The following DNAH14 variants were observed in gnomAD, a reference collection of about 807,000 sequenced individuals.
DNAH14 encodes the protein dynein axonemal heavy chain 14, also known as axonemal beta dynein heavy chain 14.
A neutral mutation model predicts 520.9 loss-of-function variants in DNAH14; 478 were observed. The observed-to-expected ratio is 0.92, with a 90% confidence interval of 0.85 to 0.99. The LOEUF is 0.99. Ranked by LOEUF, DNAH14 falls within the 50% of genes least tolerant of loss-of-function variation. The pLI, the probability that DNAH14 is intolerant of heterozygous loss-of-function variation, is 0.00. For missense variants in DNAH14, 4,831 were observed against 5,234.5 expected, an observed-to-expected ratio of 0.92 and a Z score of 2.38; for synonymous variants, 1,581 against 1,757.2, an observed-to-expected ratio of 0.90 and a Z score of 2.51.
At position 225,388,488 on chromosome 1, in the gene DNAH14, G is replaced by T. The variant is rs748144544; in HGVS notation, c.13187G>T (p.Arg4396Leu). The T allele has an allele frequency of 1.5e-5, 22 of 1,481,614 alleles. No individual in the cohort carries two copies. The highest frequency in any genetic ancestry group is 1.7e-4 in the Middle Eastern group (1 of 5,736). 91.8% of individuals were successfully genotyped at this position (1,481,614 alleles called of 1,614,324 possible). A position where few individuals can be genotyped will look rare whatever the true frequency, so the allele number is the denominator to read the frequency against. Residue 4396 changes from arginine to leucine, a missense_variant, in exon 82 of 86, where the codon CGT becomes CTT. Transcript: ENST00000682510. ...WAKVAYTAIQ[R>L]RYMRFVTVWK... ...AAAGTGGCTTATACTGCAATACAGC[G>T]TCGGTATGGATAAAAGATGCTTTAC...
intron 41 of DNAH14, among the ~76,000 whole-genome samples, chr1:225,226,810 G>A (rs1353389796): frequency 2.0e-5 from 3 of 152,136 alleles, no homozygotes; most frequent in Non-Finnish European, 2.9e-5. Context: ...CTGGCAAGGG[G>A]GATGTGGCAG....
rs147281444 is a variant in DNAH14 at position 225,223,973 on chromosome 1, G to C, written c.6440-7100G>C. Among the ~76,000 whole-genome samples, 94 of 152,254 alleles carry C rather than the reference G, an allele frequency of 6.2e-4. No homozygotes were observed. The East Asian group carries it at 0.017, about 27-fold the overall frequency. On this transcript the variant is annotated intron_variant, in intron 41 of 85. Coordinates refer to ENST00000682510, the MANE Select transcript of DNAH14 (RefSeq NM_001367479.1). ...TCCATTCTAAAGAATACACAGTTAAGAGGTTTAATCATAGCACCTGAAAAA... is the reference window on the plus strand; with the variant it reads ...TCCATTCTAAAGAATACACAGTTAACAGGTTTAATCATAGCACCTGAAAAA...
Position 225,265,330 on chromosome 1 carries a change from A to G in DNAH14, c.7371A>G (p.Arg2457=), listed in dbSNP as rs2093072194. The change falls in exon 48 of 86, where the codon AGA becomes AGG. Residue 2457 remains arginine, a synonymous_variant. Coordinates refer to ENST00000682510, the MANE Select transcript of DNAH14 (RefSeq NM_001367479.1). The part of the protein sequence containing the change: ...TKEMILKKLI[R]RTKDTLGAPK... ...AGATGATTCTTAAGAAGTTAATAAG[A>G]AGAACTAAAGATACTCTTGGAGCAC... The G allele has an allele frequency of 1.3e-6, 2 of 1,540,380 alleles. No individual in the cohort carries two copies. The highest frequency in any genetic ancestry group is 1.4e-5 in the African/African-American group (1 of 72,192).
chr1:224,966,875 GT>G (rs2061202585), intron 5 of DNAH14, among the ~76,000 whole-genome samples: 1 of 152,014 alleles, frequency 6.6e-6, no homozygotes, highest in Non-Finnish European at 1.5e-5. Context: ...TTCTGCAATT[GT>G]TTAATGAAGT....
intron 64 of DNAH14, among the ~76,000 whole-genome samples, chr1:225,326,649 C>A (rs576342853): frequency 7.6e-4 from 116 of 152,194 alleles, no homozygotes; most frequent in South Asian, 2.3e-3. Context: ...AAAAAAAATT[C>A]TTCAAAACTT....
chr1:225,256,903 T>G (rs655529), intron 44 of DNAH14, among the ~76,000 whole-genome samples: 1 of 149,318 alleles, frequency 6.7e-6, no homozygotes, highest in Non-Finnish European at 1.5e-5. Flanking sequence ...TTTGCTATTT[T>G]AAAAAAAAAA....
At chr1:225,300,831 A>G in intron 55 of DNAH14, 38 bp from the exon 56 acceptor site, 1 of 1,536,646 alleles carries the variant, frequency 6.5e-7, no homozygotes, top group East Asian at 2.5e-5. Flanking sequence ...ATATATGAAT[A>G]ATTTACTCTT....
intron 1 of DNAH14, among the ~76,000 whole-genome samples, chr1:224,942,010 T>A (rs955416560): frequency 6.6e-6 from 1 of 152,222 alleles, no homozygotes; most frequent in Non-Finnish European, 1.5e-5. Context: ...TGGTTCCATA[T>A]GAACTTTAAA....
At chr1:225,095,429 A>G (rs1380799647) in intron 21 of DNAH14, among the ~76,000 whole-genome samples, 2 of 152,152 alleles carry the variant, frequency 1.3e-5, no homozygotes, top group Non-Finnish European at 2.9e-5. Context: ...GTTCTCACTC[A>G]TAAATGGGAG....
intron 51 of DNAH14, 123 bp downstream of exon 51, chr1:225,272,196 A>C: frequency 1.0e-6 from 1 of 954,412 alleles, no homozygotes; most frequent in Non-Finnish European, 1.5e-6. Flanking sequence ...TTTTGCTATT[A>C]GCAGCTTATC....
chr1:225,129,491 C>G (rs1344839646), intron 27 of DNAH14, among the ~76,000 whole-genome samples: 1 of 152,040 alleles, frequency 6.6e-6, no homozygotes, highest in Non-Finnish European at 1.5e-5. Context: ...TGGAACAGAA[C>G]AGAGCCCTCA....
rs1232071071 is a variant in DNAH14 at position 225,051,488 on chromosome 1, G to A, written c.2117G>A (p.Gly706Asp). Reference protein sequence around the residue: ...NLLTIIGNSMGLVNAYSHKFI... With the variant: ...NLLTIIGNSMDLVNAYSHKFI... ...CTGACTATTATTGGTAATTCAATGG[G>A]CCTAGTTAATGCTTACAGCCACAAG... The change falls in exon 17 of 86, where the codon GGC (glycine) becomes GAC (aspartate). Residue 706 changes from glycine (G) to aspartate (D), a missense_variant. Coordinates refer to ENST00000682510, the MANE Select transcript of DNAH14 (RefSeq NM_001367479.1). The A allele has an allele frequency of 1.3e-6, 2 of 1,537,500 alleles. No homozygotes were observed. Among genetic ancestry groups the A allele is most frequent in the Non-Finnish European group, 1.8e-6 (2 of 1,141,106 alleles).
intron 62 of DNAH14, among the ~76,000 whole-genome samples, chr1:225,323,790 G>T (rs1408534562): frequency 6.6e-6 from 1 of 151,692 alleles, no homozygotes; most frequent in Admixed American, 6.6e-5. Flanking sequence ...CCAGGCATGT[G>T]TCTTTGATTC....
intron 36 of DNAH14, among the ~76,000 whole-genome samples, chr1:225,174,377 G>T (rs1017952380): frequency 1.3e-5 from 2 of 152,032 alleles, no homozygotes; most frequent in Non-Finnish European, 2.9e-5. Context: ...TTTTATAGAT[G>T]ATGATATATG....
intron 36 of DNAH14, among the ~76,000 whole-genome samples, chr1:225,172,063 A>G (rs1319938991): frequency 6.6e-6 from 1 of 152,220 alleles, no homozygotes; most frequent in East Asian, 1.9e-4. Flanking sequence ...ACAAAATTCA[A>G]CACCACTTCA....
At position 225,398,638 on chromosome 1, in the gene DNAH14, T is replaced by A; in HGVS notation, c.13610T>A (p.Phe4537Tyr). 1 of 1,551,748 alleles carries A rather than the reference T, an allele frequency of 6.4e-7. No individual in the cohort carries two copies. The highest frequency in any genetic ancestry group is 8.7e-7 in the Non-Finnish European group (1 of 1,146,998). The change falls in exon 85 of 86, where the codon TTT becomes TAT. Residue 4537 changes from phenylalanine (F) to tyrosine (Y), a missense_variant. Coordinates refer to ENST00000682510, the MANE Select transcript of DNAH14 (RefSeq NM_001367479.1). ...CTGCCTCTGGAGATGTGCTGTGATT[T>A]TCCCGACATATACTTTTTGCCAACA... ...DSLPLEMCCD[F>Y]PDIYFLPTKI...
At chr1:225,051,328 G>T (rs1197546769) in intron 16 of DNAH14, 123 bp from the exon 17 acceptor site, 1 of 636,306 alleles carries the variant, frequency 1.6e-6, no homozygotes, top group Non-Finnish European at 2.4e-6. Context: ...TTTAATAGAG[G>T]TTCTTAAAAT....
chr1:225,175,391 T>C (rs2083197798), intron 36 of DNAH14, among the ~76,000 whole-genome samples: 1 of 152,184 alleles, frequency 6.6e-6, no homozygotes, highest in African/African-American at 2.4e-5. Context: ...TGTCCAGCAA[T>C]ATATCAGTTT....
At chr1:225,207,610 G>T (rs2087760183) in intron 41 of DNAH14, among the ~76,000 whole-genome samples, 1 of 152,056 alleles carries the variant, frequency 6.6e-6, no homozygotes, top group Non-Finnish European at 1.5e-5. Flanking sequence ...TGTAAGGAGG[G>T]ATAAACAGAT....
Sources: allele counts gnomAD v4.1 joint callset (sites outside exome capture counted in the v4.1 genomes callset), GRCh38; gene constraint gnomAD v4.1.1; transcripts MANE v1.5; gene names NCBI Gene and HGNC (gene_info 2026-07-23, HGNC 2026-07-21).